BST1: variants seen among roughly 807,000 people sequenced by gnomAD.
The protein encoded by BST1 is bone marrow stromal cell antigen 1.
A neutral mutation model predicts 40.6 loss-of-function variants in BST1; 49 were observed. The ratio of observed to expected loss-of-function variants is 1.21; its 90% CI spans 0.96 to 1.53. BST1 has a LOEUF of 1.53. BST1 is among the 40% of genes most tolerant of loss of function. The probability of loss-of-function intolerance (pLI) is 0.00; values close to 1 mark genes in which losing one functional copy is unlikely to be tolerated. For synonymous variants in BST1, 157 were observed against 159.3 expected (o/e 0.99, Z 0.11); for missense variants, 423 against 395.9 (o/e 1.07, Z -0.58).
At chr4:15,748,392 GA>G in the BST1 span, among the ~76,000 whole-genome samples, 3 of 152,116 alleles carry the variant, frequency 2.0e-5, no homozygotes, top group Admixed American at 6.5e-5. Flanking sequence ...CAGGCAAAGG[GA>G]GCTGCTATCC....
At chr4:15,739,314 A>G (rs1721678856), downstream of BST1, among the ~76,000 whole-genome samples, 1 of 152,228 alleles carries the variant, frequency 6.6e-6, no homozygotes. Flanking sequence ...ATGTTTCAAT[A>G]TGAAACGTAT....
At position 15,732,215 on chromosome 4, in the gene BST1, C is replaced by A; in HGVS notation, c.*370C>A. The A allele has an allele frequency of 1.3e-6, 1 of 759,532 alleles. No homozygotes were observed. The highest frequency in any genetic ancestry group is 1.6e-6 in the Non-Finnish European group (1 of 610,602). The allele number at this position is 759,532 out of a possible 1,614,324, so 47.0% of individuals were successfully genotyped here. Reference sequence around the variant, plus strand: ...TCTCCAGCAGCACGGACACTGCATGCTTGTTGATTGCTTAAGACATATGTA... The same window carrying A: ...TCTCCAGCAGCACGGACACTGCATGATTGTTGATTGCTTAAGACATATGTA... On this transcript the variant is annotated 3_prime_UTR_variant, in exon 9 of 9. Coordinates refer to ENST00000265016, the MANE Select transcript of BST1 (RefSeq NM_004334.3).
chr4:15,763,091 AT>A, the BST1 span, among the ~76,000 whole-genome samples: 1 of 152,014 alleles, frequency 6.6e-6, no homozygotes, highest in Non-Finnish European at 1.5e-5. Context: ...TAATAAATGC[AT>A]TTTTGAAAAG....
Position 15,722,903 on chromosome 4 carries a change from C to T in BST1, c.820C>T (p.His274Tyr), listed in dbSNP as rs1476641169. Residue 274 changes from histidine (H) to tyrosine (Y), a missense_variant, in exon 8 of 9, where the codon CAC (histidine) becomes TAC (tyrosine). Physicochemically the swap from His to Tyr is moderately conservative, Grantham distance 83. Coordinates refer to ENST00000265016, the MANE Select transcript of BST1 (RefSeq NM_004334.3). The stretch of plus-strand genomic sequence containing the variant: ...AGTGAAGCTCTTACAGTGCGTGGAC[C>T]ACAGCACCCATCCTGACTGTGCCTT... ...RPVKLLQCVDHSTHPDCALKS... is the reference protein window; with the variant it reads ...RPVKLLQCVDYSTHPDCALKS... 1 of 1,613,718 alleles carries T rather than the reference C, an allele frequency of 6.2e-7. No homozygotes were observed. Among genetic ancestry groups the T allele is most frequent in the East Asian group, 2.2e-5 (1 of 44,880 alleles).
intron 6 of BST1, among the ~76,000 whole-genome samples, chr4:15,717,777 A>C (rs1390008744): frequency 6.6e-6 from 1 of 152,226 alleles, no homozygotes; most frequent in Non-Finnish European, 1.5e-5. Context: ...AATATGTTGC[A>C]AGGATGCAAC....
chr4:15,705,150 C>G (rs1263085292), intron 1 of BST1, among the ~76,000 whole-genome samples: 1 of 152,032 alleles, frequency 6.6e-6, no homozygotes, highest in Non-Finnish European at 1.5e-5. Context: ...TCCCCGAGCT[C>G]CACACTGGAA....
chr4:15,703,097 A>G lies in BST1; in HGVS notation c.-48A>G. The stretch of plus-strand genomic sequence containing the variant: ...TGCGGAACCGCCTTGGTAGAAGGAG[A>G]GAAGGGGAGTGGAGGAAGCACGGGA... On this transcript the variant is annotated 5_prime_UTR_variant, in exon 1 of 9. Coordinates refer to ENST00000265016, the MANE Select transcript of BST1 (RefSeq NM_004334.3). 6.6e-7 allele frequency: 1 copy of G among 1,523,362 alleles called. No individual in the cohort carries two copies. The highest frequency in any genetic ancestry group is 8.7e-7 in the Non-Finnish European group (1 of 1,143,622). 94.4% of individuals were successfully genotyped at this position (1,523,362 alleles called of 1,614,324 possible).
chr4:15,711,971 C>T, intron 4 of BST1, 82 bp downstream of exon 4: 3 of 1,174,926 alleles, frequency 2.6e-6, no homozygotes, highest in Non-Finnish European at 3.8e-6. Flanking sequence ...GTCTGGGCCC[C>T]AGGTCATCAC....
chr4:15,720,147 G>A (rs1324165230), intron 7 of BST1, among the ~76,000 whole-genome samples: 1 of 151,992 alleles, frequency 6.6e-6, no homozygotes, highest in Non-Finnish European at 1.5e-5. Flanking sequence ...CACCCCCATA[G>A]TAACCACTCT....
At position 15,731,378 on chromosome 4, in the gene BST1, G is replaced by C. The variant is rs1174393010; in HGVS notation, c.852-362G>C. The C allele has an allele frequency of 1.1e-5, 6 of 531,496 alleles. No individual in the cohort carries two copies. The South Asian group carries it at 1.2e-4, about 10-fold the overall frequency. The allele number at this position is 531,496 out of a possible 1,614,324, so 32.9% of individuals were successfully genotyped here. On this transcript the variant is annotated intron_variant, in intron 8 of 8. Transcript: ENST00000265016. ...TTTTCAGTACCTCGTTTTCCATGTG[G>C]TGGAAATCCACAGGCTTGGCCTTGT...
the BST1 span, among the ~76,000 whole-genome samples, chr4:15,769,784 T>C: frequency 6.6e-6 from 1 of 152,118 alleles, no homozygotes; most frequent in Non-Finnish European, 1.5e-5. Context: ...TTAGTGGTAG[T>C]TGGGCTACGA....
At chr4:15,736,656 T>A (rs1451940869), downstream of BST1, among the ~76,000 whole-genome samples, 1 of 151,838 alleles carries the variant, frequency 6.6e-6, no homozygotes, top group African/African-American at 2.4e-5. Context: ...CATTTGCCCC[T>A]AAACTGCCTT....
the BST1 span, among the ~76,000 whole-genome samples, chr4:15,767,599 G>A: frequency 1.5e-5 from 2 of 136,912 alleles, no homozygotes; most frequent in Non-Finnish European, 3.1e-5. Flanking sequence ...CACCGTGCCC[G>A]GCCCTACTTT....
chr4:15,709,574 A>T (rs1720072892), intron 3 of BST1, among the ~76,000 whole-genome samples: 1 of 152,242 alleles, frequency 6.6e-6, no homozygotes, highest in Non-Finnish European at 1.5e-5. Context: ...TGAAAAACAC[A>T]TAAAGAAAGG....
exon 7 of BST1, chr4:15,738,124 T>C (rs564166359): frequency 9.2e-6 from 2 of 217,530 alleles, no homozygotes; most frequent in Non-Finnish European, 1.9e-5. Context: ...TGGGTGACCA[T>C]GATGTTTCAA....
chr4:15,718,176 C>T (rs75476202), intron 6 of BST1, among the ~76,000 whole-genome samples: 2,685 of 152,010 alleles, frequency 0.018, 44 homozygotes, highest in Non-Finnish European at 0.026. Context: ...CAAGAGAGGA[C>T]GGGTTCCATG....
chr4:15,715,675 A>C, intron 5 of BST1, 32 bp from the exon 6 acceptor site: 1 of 1,415,874 alleles, frequency 7.1e-7, no homozygotes. Flanking sequence ...AAGATATCAT[A>C]TTGCTTTAGG....
rs962840383 is a variant in BST1, at chr4:15,710,258, G to A, written c.452-1549G>A. Among the ~76,000 whole-genome samples, 5 of 152,060 alleles carry A rather than the reference G, an allele frequency of 3.3e-5. No homozygotes were observed. In the East Asian group the frequency reaches 9.6e-4, roughly 29 times the overall value. ...CAAAGCACTGGCATTACAGGCCACA[G>A]TACCTGGCCTTGGTGCTTTTTTTAA... On this transcript the variant is annotated intron_variant, in intron 3 of 8. Transcript: ENST00000265016.
At chr4:15,741,620 G>C (rs895244835), downstream of BST1, among the ~76,000 whole-genome samples, 2 of 151,896 alleles carry the variant, frequency 1.3e-5, no homozygotes, top group Non-Finnish European at 2.9e-5. Flanking sequence ...GACACACGTG[G>C]GTTTTCCATT....
Sources: allele counts gnomAD v4.1 joint callset (sites outside exome capture counted in the v4.1 genomes callset), GRCh38; gene constraint gnomAD v4.1.1; transcripts MANE v1.5; gene names NCBI Gene and HGNC (gene_info 2026-07-23, HGNC 2026-07-21).